PRDM1: variants seen among roughly 807,000 people sequenced by gnomAD.
PRDM1 encodes PR/SET domain 1, also known as PR domain zinc finger protein 1.
In PRDM1, 13 loss-of-function variants were observed where a neutral mutation model predicts 62.8. The observed-to-expected ratio is 0.21, with a 90% CI of 0.13 to 0.33. The LOEUF (loss-of-function observed/expected upper bound fraction) is 0.33, where lower values mean the gene tolerates loss of function less well. Among genes scored for constraint, PRDM1 ranks in the 10% least tolerant of loss-of-function variants. The pLI, the probability that PRDM1 is intolerant of heterozygous loss-of-function variation, is 1.00. For missense variants in PRDM1, 895 were observed against 1,058.8 expected (o/e 0.85, Z 2.15); for synonymous variants, 396 against 417.6 (o/e 0.95, Z 0.63).
At chr6:106,007,765 G>T (rs1452536322) in intron 1 of PRDM1, among the ~76,000 whole-genome samples, 1 of 152,050 alleles carries the variant, frequency 6.6e-6, no homozygotes, top group Non-Finnish European at 1.5e-5. Context: ...TATTCTTTTT[G>T]CATTGCACTG....
intron 1 of PRDM1, among the ~76,000 whole-genome samples, chr6:106,004,967 AT>A (rs1772467170): frequency 6.6e-6 from 1 of 152,204 alleles, no homozygotes; most frequent in Non-Finnish European, 1.5e-5. Flanking sequence ...TCTTTGCTAG[AT>A]TTCCTCTTCT....
At chr6:106,031,893 C>T (rs1031293662) in intron 1 of PRDM1, among the ~76,000 whole-genome samples, 1 of 152,120 alleles carries the variant, frequency 6.6e-6, no homozygotes, top group African/African-American at 2.4e-5. Context: ...ATTCCCATCC[C>T]AGTTTTGTTT....
At chr6:105,998,226 A>C (rs1772372797) in intron 1 of PRDM1, among the ~76,000 whole-genome samples, 1 of 152,110 alleles carries the variant, frequency 6.6e-6, no homozygotes, top group South Asian at 2.1e-4. Context: ...GCTTGTGGCA[A>C]AATATTAACG....
chr6:106,050,622 A>AT, intron 1 of PRDM1, among the ~76,000 whole-genome samples: 1 of 152,300 alleles, frequency 6.6e-6, no homozygotes, highest in Middle Eastern at 3.4e-3. Context: ...CCCTTCATCC[A>AT]TCTTACCTGC....
In PRDM1 at chr6:106,104,950, A is replaced by G. The variant is rs1774405359; in HGVS notation, c.790A>G (p.Lys264Glu). The G allele has an allele frequency of 1.2e-6, 2 of 1,614,172 alleles. No homozygotes were observed. Among genetic ancestry groups the G allele is most frequent in the Non-Finnish European group, 1.7e-6 (2 of 1,180,034 alleles). Residue 264 changes from lysine (K) to glutamate (E), a missense_variant, in exon 5 of 7, where the codon AAG becomes GAG. Physicochemically the swap from Lys to Glu is moderately conservative, Grantham distance 56. This residue lies in a region of PRDM1 where 444 missense variants were observed against 422.7 expected (regional missense o/e 1.05). Coordinates refer to ENST00000369096, the MANE Select transcript of PRDM1 (RefSeq NM_001198.4). ...ATTGGACTCCAACCCCTCCAAAGGA[A>G]AGGACCTCTACCGTTCTAACATTTC... ...LKLDSNPSKGKDLYRSNISPL... is the reference protein window; with the variant it reads ...LKLDSNPSKGEDLYRSNISPL...
chr6:106,074,595 G>A (rs779516229), intron 1 of PRDM1, among the ~76,000 whole-genome samples: 5 of 152,124 alleles, frequency 3.3e-5, no homozygotes, highest in Non-Finnish European at 5.9e-5. Flanking sequence ...CTTTGGAGAG[G>A]CTTGGTAAAT....
intron 1 of PRDM1, among the ~76,000 whole-genome samples, chr6:106,069,444 T>C (rs1443741910): frequency 1.3e-5 from 2 of 152,206 alleles, no homozygotes; most frequent in East Asian, 3.9e-4. Flanking sequence ...GGAAGATATA[T>C]GGGCTTTTTC....
At chr6:106,076,882 A>G (rs567219584) in intron 1 of PRDM1, among the ~76,000 whole-genome samples, 1 of 152,346 alleles carries the variant, frequency 6.6e-6, no homozygotes, top group Non-Finnish European at 1.5e-5. Flanking sequence ...AAAGGGAGGA[A>G]GGCCCTAAGA....
In PRDM1 at chr6:105,993,774, G is replaced by A. The variant is rs1293783674; in HGVS notation, c.-67+135G>A. Among the ~76,000 whole-genome samples the A allele has an allele frequency of 2.0e-5, 3 of 152,206 alleles. No individual in the cohort carries two copies. In the East Asian group the frequency reaches 5.8e-4, roughly 29 times the overall value. On this transcript the variant is annotated intron_variant, in intron 1 of 6. Coordinates refer to the PRDM1 transcript ENST00000652320. Reference sequence around the variant, plus strand: ...GAATGAGGGATAGTAAAAGAGTGGTGGTATGGGGCTCTGATATCGCTTAAT... The same window carrying A: ...GAATGAGGGATAGTAAAAGAGTGGTAGTATGGGGCTCTGATATCGCTTAAT...
At chr6:106,072,079 C>T (rs1471547096) in intron 1 of PRDM1, 1 of 152,142 alleles carries the variant, frequency 6.6e-6, no homozygotes, top group African/African-American at 2.4e-5. Context: ...TTTTAATGAC[C>T]TACTATCAAT....
At chr6:105,999,660 A>C (rs868714479) in intron 1 of PRDM1, among the ~76,000 whole-genome samples, 3 of 152,172 alleles carry the variant, frequency 2.0e-5, no homozygotes, top group Non-Finnish European at 2.9e-5. Flanking sequence ...TGACTGCAGT[A>C]GAAATAAACT....
At position 106,105,568 on chromosome 6, in the gene PRDM1, C is replaced by T. The variant is rs1774452371; in HGVS notation, c.1408C>T (p.Leu470=). 6.2e-7 allele frequency: 1 copy of T among 1,612,852 alleles called. No homozygotes were observed. Among genetic ancestry groups the T allele is most frequent in the African/African-American group, 1.3e-5 (1 of 75,038 alleles). Residue 470 remains leucine (L), a synonymous_variant, in exon 5 of 7, where the codon CTG becomes TTG. Coordinates refer to ENST00000369096, the MANE Select transcript of PRDM1 (RefSeq NM_001198.4). ...MLNPTSLPSS[L]PSDGARRLLQ... is the part of the protein sequence containing the mutation. ...CAACCCCACTTCTCTCCCGAGCTCG[C>T]TGCCCTCAGATGGAGCCCGGAGGTT...
intron 1 of PRDM1, among the ~76,000 whole-genome samples, chr6:106,017,460 A>G (rs550284359): frequency 5.9e-5 from 9 of 152,118 alleles, no homozygotes; most frequent in Middle Eastern, 6.8e-3. Context: ...TGGGTGTGTG[A>G]CTCCATTGTG....
intron 1 of PRDM1, among the ~76,000 whole-genome samples, chr6:106,073,258 G>A (rs1716539031): frequency 6.6e-6 from 1 of 151,888 alleles, no homozygotes; most frequent in Admixed American, 6.6e-5. Flanking sequence ...GGGATTACAG[G>A]CGCCCACTCT....
chr6:106,069,195 T>G (rs982988642), intron 1 of PRDM1, among the ~76,000 whole-genome samples: 2 of 152,212 alleles, frequency 1.3e-5, no homozygotes, highest in Non-Finnish European at 2.9e-5. Flanking sequence ...TACAAAAACT[T>G]AAAACACATA....
chr6:106,080,243 A>G (rs1446261131), intron 1 of PRDM1, among the ~76,000 whole-genome samples: 1 of 152,236 alleles, frequency 6.6e-6, no homozygotes, highest in Admixed American at 6.5e-5. Context: ...GCTAGCAGTG[A>G]TCTAGCAGTT....
intron 1 of PRDM1, among the ~76,000 whole-genome samples, chr6:105,998,923 ATATATATATATTTTTTTTTTTTT>A (rs1772392674): frequency 4.6e-4 from 1 of 2,166 alleles, no homozygotes; most frequent in South Asian, 0.022. Context: ...ATATATATAT[ATATATATATATTTTTTTTTTTTT>A]TTTTCTTTTG....
At chr6:106,063,118 G>T (rs574898433) in intron 1 of PRDM1, among the ~76,000 whole-genome samples, 2 of 152,110 alleles carry the variant, frequency 1.3e-5, no homozygotes, top group Non-Finnish European at 2.9e-5. Flanking sequence ...TTCAGGTCAC[G>T]CGAAGGTCAA....
Position 106,107,330 on chromosome 6 carries a change from G to A in PRDM1, c.2322G>A (p.Val774=), listed in dbSNP as rs1774523106. The A allele has an allele frequency of 5.6e-6, 9 of 1,614,144 alleles. No individual in the cohort carries two copies. Among genetic ancestry groups the A allele is most frequent in the Non-Finnish European group, 6.8e-6 (8 of 1,180,024 alleles). Residue 774 remains valine (V), a synonymous_variant, in exon 7 of 7, where the codon GTG becomes GTA. Transcript: ENST00000369096. The part of the protein sequence containing the change: ...RKEKEETGLK[V]SLQRNMGNGL... ...AGAAAGAAGAAACTGGCCTGAAAGT[G>A]TCTTTGCAAAGAAACATGGGGAATG...
Sources: gnomAD v4.1 joint callset for allele counts (sites outside exome capture counted in the v4.1 genomes callset) on GRCh38, gnomAD v4.1.1 for gene constraint, gnomAD v4.1.1 regional missense constraint, MANE v1.5 for transcripts, NCBI Gene and HGNC (gene_info 2026-07-23, HGNC 2026-07-21) for gene names.